CNTN5: variants seen among roughly 807,000 people sequenced by gnomAD.
The protein encoded by CNTN5 is contactin 5.
In CNTN5, 77 loss-of-function variants were observed where a neutral mutation model predicts 129.1. That is an observed-to-expected ratio of 0.60 (90% CI 0.50 to 0.72). The LOEUF (loss-of-function observed/expected upper bound fraction) is 0.72. Ranked by LOEUF, CNTN5 falls within the 30% of genes least tolerant of loss-of-function variation. The pLI, the probability that CNTN5 is intolerant of heterozygous loss-of-function variation, is 0.00. For synonymous variants in CNTN5, 509 were observed against 465.6 expected (o/e 1.09, Z -1.20); for missense variants, 1,478 against 1,328.8 (o/e 1.11, Z -1.75).
chr11:99,965,591 G>A (rs773618532), intron 8 of CNTN5, among the ~76,000 whole-genome samples: 5 of 152,218 alleles, frequency 3.3e-5, no homozygotes, highest in Admixed American at 6.5e-5. Flanking sequence ...TATGTGGTCA[G>A]TTTTGGAACA....
chr11:99,932,971 C>T (rs958793108), intron 7 of CNTN5, among the ~76,000 whole-genome samples: 2 of 152,114 alleles, frequency 1.3e-5, no homozygotes, highest in Non-Finnish European at 2.9e-5. Flanking sequence ...CTGAGGCAGT[C>T]CCAGTATCTT....
At chr11:100,126,263 T>C (rs1946180172) in intron 13 of CNTN5, among the ~76,000 whole-genome samples, 1 of 152,138 alleles carries the variant, frequency 6.6e-6, no homozygotes, top group Non-Finnish European at 1.5e-5. Context: ...AGAATTTATA[T>C]TGTGATGTTG....
intron 2 of CNTN5, among the ~76,000 whole-genome samples, chr11:99,371,029 A>G (rs924000884): frequency 4.6e-5 from 7 of 152,062 alleles, no homozygotes; most frequent in African/African-American, 1.7e-4. Context: ...GCTCAGGGTA[A>G]TTGGCTCTGC....
At chr11:99,736,945 A>C (rs1427431960) in intron 3 of CNTN5, among the ~76,000 whole-genome samples, 3 of 152,022 alleles carry the variant, frequency 2.0e-5, no homozygotes, top group Admixed American at 6.6e-5. Context: ...ACATAAGAAA[A>C]TCATAAAAGC....
At chr11:99,364,677 T>A (rs1207383140) in intron 2 of CNTN5, among the ~76,000 whole-genome samples, 1 of 152,144 alleles carries the variant, frequency 6.6e-6, no homozygotes, top group Non-Finnish European at 1.5e-5. Flanking sequence ...AAACTCTCCA[T>A]TTATTTCATA....
At chr11:99,997,879 A>C (rs1939562227) in intron 8 of CNTN5, among the ~76,000 whole-genome samples, 1 of 152,250 alleles carries the variant, frequency 6.6e-6, no homozygotes, top group Admixed American at 6.5e-5. Flanking sequence ...GTAATCCAGC[A>C]TATAAACAGA....
At chr11:99,411,846 A>T (rs1159286358) in intron 2 of CNTN5, among the ~76,000 whole-genome samples, 1 of 152,212 alleles carries the variant, frequency 6.6e-6, no homozygotes, top group Non-Finnish European at 1.5e-5. Context: ...TTTCTTACAT[A>T]TGGTTGATTG....
At chr11:99,473,553 A>AT (rs143648621) in intron 2 of CNTN5, among the ~76,000 whole-genome samples, 14,400 of 149,944 alleles carry the variant, frequency 0.096, 886 homozygotes, top group African/African-American at 0.18. Context: ...TACTGAAGTG[A>AT]TTTTTTTTTT....
chr11:99,964,552 C>T (rs961347167), intron 8 of CNTN5, among the ~76,000 whole-genome samples: 1 of 152,128 alleles, frequency 6.6e-6, no homozygotes, highest in African/African-American at 2.4e-5. Flanking sequence ...CTGCCGGATT[C>T]AGTTTGCCAG....
At chr11:100,153,252 C>T (rs945995511) in intron 13 of CNTN5, among the ~76,000 whole-genome samples, 5 of 151,974 alleles carry the variant, frequency 3.3e-5, no homozygotes, top group African/African-American at 4.8e-5. Flanking sequence ...AGTAAACCTG[C>T]GCAATCAGTT....
At chr11:99,698,953 A>C (rs1335179951) in intron 3 of CNTN5, among the ~76,000 whole-genome samples, 1 of 151,206 alleles carries the variant, frequency 6.6e-6, no homozygotes, top group Non-Finnish European at 1.5e-5. Flanking sequence ...AGAGTTTCCA[A>C]AGAGGGAGCT....
chr11:99,115,908 G>T (rs1029344980), intron 1 of CNTN5, among the ~76,000 whole-genome samples: 6 of 152,086 alleles, frequency 3.9e-5, no homozygotes, highest in African/African-American at 7.2e-5. Flanking sequence ...GAAAATTAAG[G>T]GAAGATTTTA....
chr11:99,122,423 A>C (rs1858390088), intron 1 of CNTN5, among the ~76,000 whole-genome samples: 1 of 152,072 alleles, frequency 6.6e-6, no homozygotes, highest in East Asian at 1.9e-4. Context: ...GATGTATAGA[A>C]ACATATTTTA....
intron 16 of CNTN5, among the ~76,000 whole-genome samples, chr11:100,243,085 C>G (rs1949775094): frequency 6.6e-6 from 1 of 152,190 alleles, no homozygotes; most frequent in African/African-American, 2.4e-5. Context: ...TTTTCTCACG[C>G]TGCATCCTAC....
At chr11:100,306,491 T>C in intron 20 of CNTN5, among the ~76,000 whole-genome samples, 1 of 151,692 alleles carries the variant, frequency 6.6e-6, no homozygotes, top group East Asian at 1.9e-4. Context: ...AAGAAGGCAT[T>C]TGGCACACAA....
chr11:100,169,323 G>A (rs1375008750), intron 13 of CNTN5, among the ~76,000 whole-genome samples: 1 of 151,954 alleles, frequency 6.6e-6, no homozygotes, highest in Admixed American at 6.6e-5. Flanking sequence ...GTCCATTGAT[G>A]CAGCAAACTG....
At chr11:99,340,077 G>A (rs1422437379) in intron 2 of CNTN5, among the ~76,000 whole-genome samples, 1 of 152,108 alleles carries the variant, frequency 6.6e-6, no homozygotes. Flanking sequence ...TAAGAAAAGG[G>A]AAAGCATAAA....
chr11:100,149,904 AAAAG>A (rs1425675287), intron 13 of CNTN5, among the ~76,000 whole-genome samples: 1,837 of 147,860 alleles, frequency 0.012, 31 homozygotes, highest in African/African-American at 0.032. Context: ...AAAAAAAAAA[AAAAG>A]AAAAGAAAAG....
intron 13 of CNTN5, among the ~76,000 whole-genome samples, chr11:100,101,793 G>A (rs61908113): frequency 0.063 from 9,609 of 152,048 alleles, 399 homozygotes; most frequent in South Asian, 0.16. Context: ...TTGCATCCTC[G>A]TAGCTTAGCT....
Sources: allele counts gnomAD v4.1 joint callset (sites outside exome capture counted in the v4.1 genomes callset), GRCh38; gene constraint gnomAD v4.1.1; transcripts MANE v1.5; gene names NCBI Gene and HGNC (gene_info 2026-07-23, HGNC 2026-07-21).